PARD3: variants seen among roughly 807,000 people sequenced by gnomAD.
PARD3 encodes the protein partitioning defective 3 homolog.
PARD3 carries 75 observed loss-of-function variants against 155.4 expected under a neutral mutation model. The observed-to-expected ratio is 0.48, with a 90% CI of 0.40 to 0.58. The LOEUF (loss-of-function observed/expected upper bound fraction) is 0.58. Ranked by LOEUF, PARD3 falls within the 20% of genes least tolerant of loss-of-function variation. The pLI is 0.00. For missense variants in PARD3, 1,642 were observed against 1,721.7 expected, an observed-to-expected ratio of 0.95 and a Z score of 0.82; for synonymous variants, 576 against 610.5, an observed-to-expected ratio of 0.94 and a Z score of 0.83.
intron 1 of PARD3, among the ~76,000 whole-genome samples, chr10:34,705,950 A>G (rs1001351927): frequency 2.6e-5 from 4 of 152,216 alleles, no homozygotes; most frequent in African/African-American, 7.2e-5. Flanking sequence ...AGGGTCACAC[A>G]TTATTCAATA....
At chr10:34,132,105 T>C (rs1947644296) in intron 22 of PARD3, among the ~76,000 whole-genome samples, 1 of 152,198 alleles carries the variant, frequency 6.6e-6, no homozygotes, top group African/African-American at 2.4e-5. Flanking sequence ...ATTTTCATAA[T>C]ACGAGGTTCC....
chr10:34,550,321 C>T (rs1035803473), intron 2 of PARD3, among the ~76,000 whole-genome samples: 1 of 152,208 alleles, frequency 6.6e-6, no homozygotes, highest in Non-Finnish European at 1.5e-5. Flanking sequence ...CAGCGATCCA[C>T]CCACCTCTGC....
At chr10:34,715,774 CATCGCA>C (rs2094511710) in intron 1 of PARD3, among the ~76,000 whole-genome samples, 2 of 152,176 alleles carry the variant, frequency 1.3e-5, no homozygotes, top group Non-Finnish European at 2.9e-5. Context: ...GATGCAGGGT[CATCGCA>C]ATGAATGGGT....
chr10:34,559,574 T>C (rs545767987), intron 2 of PARD3, among the ~76,000 whole-genome samples: 2 of 152,150 alleles, frequency 1.3e-5, no homozygotes, highest in Admixed American at 6.6e-5. Context: ...AGAATAGACA[T>C]GCCAACAAAA....
At chr10:34,634,824 T>C (rs981870232) in intron 2 of PARD3, among the ~76,000 whole-genome samples, 3 of 152,134 alleles carry the variant, frequency 2.0e-5, no homozygotes, top group African/African-American at 7.2e-5. Flanking sequence ...TGATTTCTAG[T>C]TAAGATTGAA....
intron 1 of PARD3, among the ~76,000 whole-genome samples, chr10:34,811,618 C>A (rs1386495442): frequency 1.3e-5 from 2 of 152,190 alleles, no homozygotes; most frequent in Non-Finnish European, 2.9e-5. Context: ...ACAGTGGTGC[C>A]AATTAATGCT....
rs73268981 is a variant in PARD3 at position 34,215,752 on chromosome 10, T to C, written c.3419+53905A>G. Among the ~76,000 whole-genome samples, 1,303 of 152,324 alleles carry C rather than the reference T, an allele frequency of 8.6e-3. 28 individuals carry two copies. Among genetic ancestry groups the C allele is most frequent in the African/African-American group, 0.03 (1,232 of 41,582 alleles). ...CCATATTTCCTTTAATCAAAAAAGATAGCGAATTATATTCGCAGTTAAATG... is the reference window on the plus strand; with the variant it reads ...CCATATTTCCTTTAATCAAAAAAGACAGCGAATTATATTCGCAGTTAAATG... On this transcript the variant is annotated intron_variant, in intron 22 of 24. Transcript: ENST00000374788.
intron 2 of PARD3, among the ~76,000 whole-genome samples, chr10:34,570,719 G>A (rs1028935338): frequency 7.9e-5 from 12 of 152,102 alleles, no homozygotes; most frequent in South Asian, 2.1e-4. Flanking sequence ...CAATAGAAAA[G>A]CACATATTGT....
intron 2 of PARD3, among the ~76,000 whole-genome samples, chr10:34,530,055 TTAAG>T (rs2082738203): frequency 6.6e-6 from 1 of 152,024 alleles, no homozygotes; most frequent in African/African-American, 2.4e-5. Flanking sequence ...TTAATAATCA[TTAAG>T]TGGAAGTGGA....
intron 22 of PARD3, among the ~76,000 whole-genome samples, chr10:34,185,580 A>G (rs1446146505): frequency 2.0e-5 from 3 of 151,744 alleles, no homozygotes; most frequent in Non-Finnish European, 4.4e-5. Flanking sequence ...CTGGATATTT[A>G]TTGAATTTTA....
intron 1 of PARD3, among the ~76,000 whole-genome samples, chr10:34,715,647 C>T (rs893003089): frequency 4.6e-5 from 7 of 152,182 alleles, no homozygotes; most frequent in African/African-American, 9.7e-5. Context: ...CTTAAAATGA[C>T]GTCTTGAAGA....
At chr10:34,647,610 A>C (rs1305831844) in intron 2 of PARD3, among the ~76,000 whole-genome samples, 1 of 152,194 alleles carries the variant, frequency 6.6e-6, no homozygotes, top group Non-Finnish European at 1.5e-5. Context: ...TTTAGACTGC[A>C]CCTTTTCTCG....
chr10:34,401,764 T>C (rs895009522), intron 6 of PARD3, 62 bp downstream of exon 6: 2 of 1,010,638 alleles, frequency 2.0e-6, no homozygotes, highest in African/African-American at 3.1e-5. Flanking sequence ...TTCAGAATAC[T>C]TGCTGCAATT....
intron 2 of PARD3, among the ~76,000 whole-genome samples, chr10:34,681,764 ATATATTTTTTTTTTTTTT>A (rs1382076884): frequency 9.1e-5 from 2 of 21,884 alleles, no homozygotes; most frequent in African/African-American, 5.1e-4. Context: ...ATATATATAT[ATATATTTTTTTTTTTTTT>A]TTTTTTTTTT....
intron 19 of PARD3, among the ~76,000 whole-genome samples, chr10:34,326,834 G>A (rs1835080380): frequency 6.6e-6 from 1 of 152,124 alleles, no homozygotes; most frequent in African/African-American, 2.4e-5. Flanking sequence ...AATTATGCAA[G>A]CTACCTACTT....
At chr10:34,576,089 C>T (rs1193142587) in intron 2 of PARD3, among the ~76,000 whole-genome samples, 1 of 152,144 alleles carries the variant, frequency 6.6e-6, no homozygotes, top group Non-Finnish European at 1.5e-5. Flanking sequence ...GAATAAGCAG[C>T]AGAATCACTG....
chr10:34,357,940 C>T (rs1376915026), intron 14 of PARD3, among the ~76,000 whole-genome samples: 1 of 152,144 alleles, frequency 6.6e-6, no homozygotes, highest in Non-Finnish European at 1.5e-5. Context: ...TGAGTGGTCA[C>T]TGCAACCTGA....
In PARD3 at chr10:34,534,667, G is replaced by A. The variant is rs543711273; in HGVS notation, c.223-17508C>T. Among the ~76,000 whole-genome samples the A allele has an allele frequency of 8.5e-5, 13 of 152,324 alleles. No individual in the cohort carries two copies. In the East Asian group the frequency reaches 2.5e-3, roughly 29 times the overall value. The stretch of plus-strand genomic sequence containing the variant: ...CAAGTGAGCCCAAGGTCCAGCGGCT[G>A]CAGAACAGTAGGGACGGTGGTTGAT... On this transcript the variant is annotated intron_variant, in intron 2 of 24. Transcript: ENST00000374788.
chr10:34,685,082 GGAGGCCACTTAGCTTT>G (rs879940942), intron 2 of PARD3, among the ~76,000 whole-genome samples: 12 of 152,004 alleles, frequency 7.9e-5, no homozygotes, highest in South Asian at 2.1e-4. Flanking sequence ...AGAGGGAGAG[GGAGGCCACTTAGCTTT>G]GATTCAATAT....
Sources: allele counts gnomAD v4.1 joint callset (sites outside exome capture counted in the v4.1 genomes callset), GRCh38; gene constraint gnomAD v4.1.1; transcripts MANE v1.5; gene names NCBI Gene and HGNC (gene_info 2026-07-23, HGNC 2026-07-21).